Variants in ZMYND11 observed in about 807,000 individuals in gnomAD.
ZMYND11 encodes zinc finger MYND domain-containing protein 11.
Under a neutral mutation model 84.9 loss-of-function variants are expected in ZMYND11, and 9 were observed. The ratio of observed to expected loss-of-function variants is 0.11; its 90% CI spans 0.06 to 0.18. The LOEUF is 0.18. Ranked by LOEUF, ZMYND11 falls within the 10% of genes least tolerant of loss-of-function variation. ZMYND11 has a pLI of 1.00. For missense variants in ZMYND11, 409 were observed against 761.0 expected (o/e 0.54, Z 5.44); for synonymous variants, 250 against 244.1 (o/e 1.02, Z -0.23).
At chr10:173,570 A>C (rs946911974) in intron 1 of ZMYND11, among the ~76,000 whole-genome samples, 19 of 152,226 alleles carry the variant, frequency 1.2e-4, no homozygotes, top group African/African-American at 4.3e-4. Context: ...TAACAAATAA[A>C]ACATGAGCAG....
In ZMYND11 at chr10:249,101, C is replaced by CT; in HGVS notation, c.1686+19dup. 6.2e-7 allele frequency: 1 copy of CT among 1,614,014 alleles called. No individual in the cohort carries two copies. The highest frequency in any genetic ancestry group is 8.5e-7 in the Non-Finnish European group (1 of 1,180,010). On this transcript the variant is annotated intron_variant, in intron 14 of 14. Coordinates refer to ENST00000381604, the MANE Select transcript of ZMYND11 (RefSeq NM_001370100.5). ...GAAGAAGCAGTGGGTAAATACCAGT[C>CT]TTTTTTAGACCCTTATTTCTGAAAA... is the stretch of plus-strand genomic sequence containing the variant.
At chr10:242,263 G>A in intron 10 of ZMYND11, 124 bp downstream of exon 10, 5 of 1,372,006 alleles carry the variant, frequency 3.6e-6, no homozygotes, top group Middle Eastern at 1.8e-4. Context: ...AACACATTAT[G>A]CATCCAAGAA....
chr10:247,889 T>A (rs1952494224), intron 12 of ZMYND11, among the ~76,000 whole-genome samples: 1 of 152,256 alleles, frequency 6.6e-6, no homozygotes, highest in Admixed American at 6.5e-5. Flanking sequence ...AAGCCCTGCA[T>A]GTTTTAAAAC....
At chr10:239,022 G>A (rs1449357304) in intron 6 of ZMYND11, among the ~76,000 whole-genome samples, 1 of 152,194 alleles carries the variant, frequency 6.6e-6, no homozygotes, top group Non-Finnish European at 1.5e-5. Flanking sequence ...AACTGTCACA[G>A]AGGCTAACAG....
At chr10:188,733 G>A (rs1478488692) in intron 2 of ZMYND11, among the ~76,000 whole-genome samples, 1 of 151,742 alleles carries the variant, frequency 6.6e-6, no homozygotes, top group Admixed American at 6.6e-5. Flanking sequence ...AAACAAATTA[G>A]TCACATCTGA....
chr10:243,499 C>T (rs1462227986), intron 10 of ZMYND11, among the ~76,000 whole-genome samples: 3 of 152,154 alleles, frequency 2.0e-5, no homozygotes, highest in African/African-American at 7.2e-5. Flanking sequence ...TGTCTTCAAC[C>T]ATGAGTGATA....
At chr10:239,260 T>G (rs7919436) in intron 6 of ZMYND11, among the ~76,000 whole-genome samples, 178 bp from the exon 7 acceptor site, 98,773 of 152,102 alleles carry the variant, frequency 0.65, 32,286 homozygotes, top group East Asian at 0.83. Flanking sequence ...TATACTATAT[T>G]ATTAAAACCG....
intron 10 of ZMYND11, among the ~76,000 whole-genome samples, chr10:242,813 T>C (rs1951297237): frequency 6.6e-6 from 1 of 152,186 alleles, no homozygotes; most frequent in Admixed American, 6.5e-5. Context: ...TTTTACTTAG[T>C]CTTCATTAAT....
chr10:222,131 T>C (rs532242153), intron 4 of ZMYND11, among the ~76,000 whole-genome samples: 2 of 152,182 alleles, frequency 1.3e-5, no homozygotes, highest in Non-Finnish European at 2.9e-5. Context: ...ACCATGCACA[T>C]TGTTGAGATT....
chr10:219,322 A>G (rs1453154989), intron 3 of ZMYND11, among the ~76,000 whole-genome samples: 1 of 152,200 alleles, frequency 6.6e-6, no homozygotes, highest in East Asian at 1.9e-4. Flanking sequence ...CAGCACATGA[A>G]GATGAATTAA....
rs529301481 is a variant in ZMYND11 at position 254,359 on chromosome 10, A to T, written c.*1889A>T. ...ACTACAGCGTGAAAACTGTGTGTTT[A>T]AAAAAAAACAAAATTAAAAAAAGAG... On this transcript the variant is annotated 3_prime_UTR_variant, in exon 15 of 15. Coordinates refer to ENST00000381604, the MANE Select transcript of ZMYND11 (RefSeq NM_001370100.5). 1 of 151,838 alleles carries T rather than the reference A, an allele frequency of 6.6e-6. No homozygotes were observed. Among genetic ancestry groups the T allele is most frequent in the South Asian group, 2.1e-4 (1 of 4,768 alleles). The allele number at this position is 151,838 out of a possible 1,614,324, so 9.4% of individuals were successfully genotyped here.
At chr10:251,515 CATGT>C (rs1953494878) in intron 14 of ZMYND11, among the ~76,000 whole-genome samples, 1 of 152,168 alleles carries the variant, frequency 6.6e-6, no homozygotes, top group African/African-American at 2.4e-5. Context: ...GTCAGATCTG[CATGT>C]GTCTATCTAC....
intron 1 of ZMYND11, among the ~76,000 whole-genome samples, chr10:145,270 A>G (rs1208962253): frequency 6.6e-6 from 1 of 151,358 alleles, no homozygotes; most frequent in African/African-American, 2.4e-5. Flanking sequence ...GTATATATAT[A>G]TCACTTTTTC....
intron 3 of ZMYND11, 89 bp from the exon 4 acceptor site, chr10:221,106 C>T: frequency 8.4e-7 from 1 of 1,184,270 alleles, no homozygotes; most frequent in Non-Finnish European, 1.2e-6. Flanking sequence ...TGATGCCTAA[C>T]TTCTGATGGA....
At chr10:146,308 G>A (rs939446635) in intron 1 of ZMYND11, among the ~76,000 whole-genome samples, 1 of 152,110 alleles carries the variant, frequency 6.6e-6, no homozygotes, top group Non-Finnish European at 1.5e-5. Flanking sequence ...GTAATGTGAT[G>A]CCTCCAGATT....
At chr10:182,784 A>C (rs1848150526) in intron 2 of ZMYND11, among the ~76,000 whole-genome samples, 1 of 152,160 alleles carries the variant, frequency 6.6e-6, no homozygotes, top group Non-Finnish European at 1.5e-5. Flanking sequence ...GCCTAAGGTA[A>C]GTTAGGAAGT....
intron 4 of ZMYND11, among the ~76,000 whole-genome samples, chr10:232,126 T>G (rs1949106805): frequency 6.6e-6 from 1 of 152,240 alleles, no homozygotes. Context: ...TTTCTGACCT[T>G]GTTGTCAAGA....
chr10:191,582 C>G (rs1038625508), intron 2 of ZMYND11, among the ~76,000 whole-genome samples: 1 of 152,174 alleles, frequency 6.6e-6, no homozygotes, highest in Non-Finnish European at 1.5e-5. Context: ...GGAGCCCTAA[C>G]AATGCTGTTG....
chr10:203,970 C>G (rs1943696566), intron 2 of ZMYND11, among the ~76,000 whole-genome samples: 1 of 152,062 alleles, frequency 6.6e-6, no homozygotes, highest in Non-Finnish European at 1.5e-5. Context: ...TGTAATAATC[C>G]TTGGTACAGT....
Sources: gnomAD v4.1 joint callset for allele counts (sites outside exome capture counted in the v4.1 genomes callset) on GRCh38, gnomAD v4.1.1 for gene constraint, MANE v1.5 for transcripts, NCBI Gene and HGNC (gene_info 2026-07-23, HGNC 2026-07-21) for gene names.